Variants in PALM2AKAP2 observed in about 807,000 individuals in gnomAD.
The protein encoded by PALM2AKAP2 is PALM2 and AKAP2 fusion, also known as PALM2-AKAP2 fusion protein.
Under a neutral mutation model 71.5 loss-of-function variants are expected in PALM2AKAP2, and 37 were observed. The ratio of observed to expected loss-of-function variants is 0.52; its 90% CI spans 0.40 to 0.68. The LOEUF is 0.68. PALM2AKAP2 is among the 30% of genes least tolerant of loss of function. The pLI, the probability that PALM2AKAP2 is intolerant of heterozygous loss-of-function variation, is 0.00. For missense variants in PALM2AKAP2, 1,224 were observed against 1,191.8 expected (o/e 1.03, Z -0.40); for synonymous variants, 468 against 478.8 (o/e 0.98, Z 0.29).
chr9:109,713,492 T>C (rs893908436), intron 1 of PALM2AKAP2, among the ~76,000 whole-genome samples: 2 of 152,212 alleles, frequency 1.3e-5, no homozygotes, highest in African/African-American at 4.8e-5. Context: ...GAATACTATT[T>C]TTCTATATAT....
At chr9:109,787,202 C>T (rs1826996000) in intron 1 of PALM2AKAP2, among the ~76,000 whole-genome samples, 1 of 152,194 alleles carries the variant, frequency 6.6e-6, no homozygotes, top group Non-Finnish European at 1.5e-5. Flanking sequence ...GTTTCCTCAC[C>T]TGTAAGATGG....
rs977019311 is a variant in PALM2AKAP2 at position 109,684,944 on chromosome 9, G to A, written c.5+44078G>A. On this transcript the variant is annotated intron_variant, in intron 1 of 6. Transcript: ENST00000374531. ...TAGATAAGAAAACTGTGGCACATCC[G>A]TACAATAAAATGTTACTGAACCATA... is the stretch of plus-strand genomic sequence containing the variant. 3.9e-5 allele frequency among the ~76,000 whole-genome samples: 6 copies of A among 152,140 alleles called. No individual in the cohort carries two copies. In the East Asian group the frequency reaches 5.8e-4, roughly 15 times the overall value.
intron 1 of PALM2AKAP2, among the ~76,000 whole-genome samples, chr9:109,866,204 G>A (rs1829444354): frequency 6.6e-6 from 1 of 152,152 alleles, no homozygotes; most frequent in Non-Finnish European, 1.5e-5. Context: ...TACAATCATA[G>A]CCCCGGAAAC....
At chr9:109,932,756 G>A (rs62580181) in intron 6 of PALM2AKAP2, among the ~76,000 whole-genome samples, 16,318 of 152,252 alleles carry the variant, frequency 0.11, 1,155 homozygotes, top group African/African-American at 0.2. Flanking sequence ...GAGGGCTGGG[G>A]GTTAAATGGA....
chr9:109,822,724 G>A (rs924726485), intron 1 of PALM2AKAP2, among the ~76,000 whole-genome samples: 4 of 152,272 alleles, frequency 2.6e-5, no homozygotes, highest in Non-Finnish European at 2.9e-5. Flanking sequence ...TTTTATGGCT[G>A]TGTTGTATTC....
intron 1 of PALM2AKAP2, among the ~76,000 whole-genome samples, chr9:109,808,694 A>G (rs959153241): frequency 5.3e-5 from 8 of 152,254 alleles, no homozygotes; most frequent in Non-Finnish European, 1.2e-4. Flanking sequence ...CCAAATGTTA[A>G]TCACCAAAAC....
At chr9:109,698,909 G>A (rs1828012878) in intron 1 of PALM2AKAP2, among the ~76,000 whole-genome samples, 1 of 152,120 alleles carries the variant, frequency 6.6e-6, no homozygotes, top group Non-Finnish European at 1.5e-5. Flanking sequence ...TCTTTTCAAT[G>A]TACAAAAAGG....
At chr9:109,846,747 C>G (rs1828868888) in intron 1 of PALM2AKAP2, among the ~76,000 whole-genome samples, 1 of 152,224 alleles carries the variant, frequency 6.6e-6, no homozygotes, top group African/African-American at 2.4e-5. Context: ...TTGCTTTATC[C>G]TCCCTCACTC....
chr9:109,794,050 C>T (rs1239223181), intron 1 of PALM2AKAP2, among the ~76,000 whole-genome samples: 1 of 152,168 alleles, frequency 6.6e-6, no homozygotes, highest in Non-Finnish European at 1.5e-5. Flanking sequence ...GATGAAGGCT[C>T]CAGGAGCCTT....
chr9:110,054,923 A>G (rs145873712), intron 1 of PALM2AKAP2, among the ~76,000 whole-genome samples: 56 of 152,318 alleles, frequency 3.7e-4, no homozygotes, highest in Middle Eastern at 3.4e-3. Context: ...AATGCTAGCA[A>G]TTGTGCAGCA....
intron 1 of PALM2AKAP2, among the ~76,000 whole-genome samples, chr9:109,663,190 C>T (rs1020441829): frequency 3.3e-5 from 5 of 152,158 alleles, no homozygotes; most frequent in African/African-American, 1.2e-4. Flanking sequence ...CTATCTCTTT[C>T]AGTTCTGCTC....
At chr9:109,793,672 G>A (rs889415165) in intron 1 of PALM2AKAP2, among the ~76,000 whole-genome samples, 3 of 152,252 alleles carry the variant, frequency 2.0e-5, no homozygotes, top group Admixed American at 1.3e-4. Context: ...GTCTAGACCA[G>A]GGACCAGCAA....
chr9:110,138,453 A>G, exon 2 of PALM2AKAP2: 1 of 1,614,258 alleles, frequency 6.2e-7, no homozygotes, highest in South Asian at 1.1e-5. Flanking sequence ...CTGAAGAGGC[A>G]GAGACAAGTC....
intron 3 of PALM2AKAP2, among the ~76,000 whole-genome samples, chr9:109,919,997 G>A (rs542165261): frequency 3.3e-5 from 5 of 152,092 alleles, no homozygotes; most frequent in Non-Finnish European, 7.4e-5. Context: ...AAACCCATAG[G>A]GCCAGGGCAC....
intron 7 of PALM2AKAP2, among the ~76,000 whole-genome samples, chr9:110,026,423 C>A (rs1833183171): frequency 6.6e-6 from 1 of 152,010 alleles, no homozygotes; most frequent in African/African-American, 2.4e-5. Context: ...AGCCTTTTTT[C>A]TTTAATTTTT....
intron 1 of PALM2AKAP2, among the ~76,000 whole-genome samples, chr9:110,092,899 C>CTCTG (rs1834747764): frequency 6.6e-6 from 1 of 152,008 alleles, no homozygotes; most frequent in South Asian, 2.1e-4. Context: ...GTCTCATGGG[C>CTCTG]TCTGATTGCT....
chr9:109,721,040 C>T (rs1179243354), intron 1 of PALM2AKAP2, among the ~76,000 whole-genome samples: 1 of 152,200 alleles, frequency 6.6e-6, no homozygotes, highest in East Asian at 1.9e-4. Context: ...CTCAAGAATC[C>T]TGTGTCTTCC....
intron 2 of PALM2AKAP2, among the ~76,000 whole-genome samples, chr9:109,879,854 C>T (rs1829807942): frequency 6.6e-6 from 1 of 152,140 alleles, no homozygotes; most frequent in Non-Finnish European, 1.5e-5. Context: ...TGCACCACCA[C>T]ACCCAGCTAA....
At chr9:110,074,981 C>T (rs560938038) in intron 1 of PALM2AKAP2, among the ~76,000 whole-genome samples, 28 of 149,948 alleles carry the variant, frequency 1.9e-4, no homozygotes, top group South Asian at 1.5e-3. Flanking sequence ...CCAGCCTGAG[C>T]GACAGAGTGA....
Sources: gnomAD v4.1 joint callset for allele counts (sites outside exome capture counted in the v4.1 genomes callset) on GRCh38, gnomAD v4.1.1 for gene constraint, MANE v1.5 for transcripts, NCBI Gene and HGNC (gene_info 2026-07-23, HGNC 2026-07-21) for gene names.